The following SCHIP1 variants were observed in gnomAD, a reference collection of about 807,000 sequenced individuals.
SCHIP1 encodes schwannomin interacting protein 1.
Under a neutral mutation model 29.7 loss-of-function variants are expected in SCHIP1, and 8 were observed. The ratio of observed to expected loss-of-function variants is 0.27; its 90% CI spans 0.16 to 0.49. The LOEUF (loss-of-function observed/expected upper bound fraction) is 0.49, where lower values mean the gene tolerates loss of function less well. Among genes scored for constraint, SCHIP1 ranks in the 20% least tolerant of loss-of-function variants. The pLI is 0.99. For synonymous variants in SCHIP1, 76 were observed against 94.9 expected (o/e 0.80, Z 1.16); for missense variants, 193 against 294.6 (o/e 0.66, Z 2.52).
At chr3:159,484,692 T>TGCATAAACAGTTGCCTAG in the SCHIP1 span, among the ~76,000 whole-genome samples, 1 of 152,102 alleles carries the variant, frequency 6.6e-6, no homozygotes, top group Non-Finnish European at 1.5e-5. Flanking sequence ...AAAAAAAACC[T>TGCATAAACAGTTGCCTAG]GCATAAACAG....
chr3:159,328,011 T>G, the SCHIP1 span, among the ~76,000 whole-genome samples: 4,036 of 152,326 alleles, frequency 0.026, 177 homozygotes, highest in African/African-American at 0.092. Flanking sequence ...AAATGAGTTC[T>G]GTCCAATTCA....
chr3:159,293,889 C>T, the SCHIP1 span, among the ~76,000 whole-genome samples: 1 of 152,072 alleles, frequency 6.6e-6, no homozygotes, highest in African/African-American at 2.4e-5. Context: ...ATTAAAGTAA[C>T]ATAGGGGACT....
At chr3:159,811,406 A>C in the SCHIP1 span, among the ~76,000 whole-genome samples, 1 of 152,098 alleles carries the variant, frequency 6.6e-6, no homozygotes, top group Non-Finnish European at 1.5e-5. Context: ...TTCTTCTACA[A>C]GTTTTATAGT....
At chr3:159,469,713 A>G in the SCHIP1 span, among the ~76,000 whole-genome samples, 14 of 152,198 alleles carry the variant, frequency 9.2e-5, no homozygotes, top group African/African-American at 3.4e-4. Flanking sequence ...AAAAACTTCT[A>G]CATGAGTCCC....
At chr3:159,618,427 TC>T in the SCHIP1 span, among the ~76,000 whole-genome samples, 1 of 152,224 alleles carries the variant, frequency 6.6e-6, no homozygotes, top group East Asian at 1.9e-4. Flanking sequence ...TGAGTCTATT[TC>T]ATATGCTGAA....
At chr3:159,632,222 G>A in the SCHIP1 span, among the ~76,000 whole-genome samples, 3 of 152,054 alleles carry the variant, frequency 2.0e-5, no homozygotes, top group African/African-American at 4.8e-5. Flanking sequence ...GCCTGAATCC[G>A]GATTATTGTG....
chr3:159,878,757 G>A (rs1347147391), intron 2 of SCHIP1, among the ~76,000 whole-genome samples: 1 of 145,484 alleles, frequency 6.9e-6, no homozygotes, highest in East Asian at 2.0e-4. Flanking sequence ...CAGCCTGGGC[G>A]ACAGAGCGAG....
the SCHIP1 span, among the ~76,000 whole-genome samples, chr3:159,476,305 A>T: frequency 6.6e-6 from 1 of 152,148 alleles, no homozygotes; most frequent in African/African-American, 2.4e-5. Flanking sequence ...CATTGATATG[A>T]TCTTGAGATA....
chr3:159,681,534 T>A, the SCHIP1 span, among the ~76,000 whole-genome samples: 2 of 152,194 alleles, frequency 1.3e-5, no homozygotes, highest in Non-Finnish European at 2.9e-5. Flanking sequence ...AAAGTTTGTA[T>A]CCTTAAGGTT....
At chr3:159,538,637 A>G in the SCHIP1 span, among the ~76,000 whole-genome samples, 1 of 152,172 alleles carries the variant, frequency 6.6e-6, no homozygotes, top group African/African-American at 2.4e-5. Flanking sequence ...GGAGCATGAC[A>G]GTAGCCTGAG....
chr3:159,620,011 C>T, the SCHIP1 span, among the ~76,000 whole-genome samples: 1 of 152,142 alleles, frequency 6.6e-6, no homozygotes, highest in Non-Finnish European at 1.5e-5. Context: ...GTAGAAAATA[C>T]ATTTATCTCA....
At chr3:159,807,341 G>C in the SCHIP1 span, among the ~76,000 whole-genome samples, 12 of 152,256 alleles carry the variant, frequency 7.9e-5, no homozygotes, top group East Asian at 2.3e-3. Flanking sequence ...GAATAAACGG[G>C]CAAGTAATGG....
the SCHIP1 span, among the ~76,000 whole-genome samples, chr3:159,686,365 T>C: frequency 2.0e-5 from 3 of 152,148 alleles, no homozygotes; most frequent in South Asian, 4.1e-4. Flanking sequence ...ACAAACCTCT[T>C]CCAGAGGAAG....
the SCHIP1 span, among the ~76,000 whole-genome samples, chr3:159,461,600 G>A: frequency 8.7e-5 from 13 of 150,080 alleles, no homozygotes; most frequent in Non-Finnish European, 1.8e-4. Context: ...TTTTGAGACA[G>A]AGTCTCACTC....
chr3:159,628,214 C>T, the SCHIP1 span, among the ~76,000 whole-genome samples: 1 of 152,268 alleles, frequency 6.6e-6, no homozygotes, highest in Non-Finnish European at 1.5e-5. Flanking sequence ...CACTAGAGAC[C>T]TACACTCAAG....
chr3:159,680,303 G>A, the SCHIP1 span, among the ~76,000 whole-genome samples: 1 of 151,470 alleles, frequency 6.6e-6, no homozygotes, highest in African/African-American at 2.4e-5. Context: ...GAGGTCAAGA[G>A]ATTGAGACCA....
the SCHIP1 span, among the ~76,000 whole-genome samples, chr3:159,679,243 A>C: frequency 6.6e-6 from 1 of 152,198 alleles, no homozygotes; most frequent in Non-Finnish European, 1.5e-5. Flanking sequence ...ATGAAGAAAA[A>C]AAAAAATCTC....
chr3:159,729,964 G>A, the SCHIP1 span, among the ~76,000 whole-genome samples: 3 of 152,044 alleles, frequency 2.0e-5, no homozygotes, highest in Non-Finnish European at 4.4e-5. Context: ...CCTGGATATG[G>A]AATAATATCC....
chr3:159,530,379 G>C, the SCHIP1 span, among the ~76,000 whole-genome samples: 1 of 152,162 alleles, frequency 6.6e-6, no homozygotes, highest in South Asian at 2.1e-4. Flanking sequence ...TGCTGAAAGA[G>C]CTCTTGCTTG....
Sources: allele counts gnomAD v4.1 joint callset (sites outside exome capture counted in the v4.1 genomes callset), GRCh38; gene constraint gnomAD v4.1.1; transcripts MANE v1.5; gene names NCBI Gene and HGNC (gene_info 2026-07-23, HGNC 2026-07-21).